Variants in NSMAF observed in about 807,000 individuals in gnomAD.
NSMAF encodes the protein protein FAN.
NSMAF carries 90 observed loss-of-function variants against 134.9 expected under a neutral mutation model. The ratio of observed to expected loss-of-function variants is 0.67; its 90% CI spans 0.56 to 0.79. NSMAF has a LOEUF of 0.79. Ranked by LOEUF, NSMAF falls within the 30% of genes least tolerant of loss-of-function variation. The pLI is 0.00. For missense variants in NSMAF, 1,010 were observed against 1,119.0 expected, an observed-to-expected ratio of 0.90 and a Z score of 1.39; for synonymous variants, 358 against 389.6, an observed-to-expected ratio of 0.92 and a Z score of 0.96.
At chr8:58,634,727 G>A (rs1324679242) in intron 5 of NSMAF, among the ~76,000 whole-genome samples, 1 of 152,148 alleles carries the variant, frequency 6.6e-6, no homozygotes, top group Non-Finnish European at 1.5e-5. Context: ...TATATTGAGT[G>A]CAGTGGTGGG....
Position 58,609,736 on chromosome 8 carries a change from GA to G in NSMAF, c.558-4del. 2 of 1,613,726 alleles carry G rather than the reference GA, an allele frequency of 1.2e-6. No individual in the cohort carries two copies. Among genetic ancestry groups the G allele is most frequent in the East Asian group, 4.5e-5 (2 of 44,874 alleles). ...GCTTTTCAGAAATGTTTTGGAACCTGAAAATAGGTTTTTCAGCAAAAGTAAG... is the reference window on the plus strand; with the variant it reads ...GCTTTTCAGAAATGTTTTGGAACCTGAAATAGGTTTTTCAGCAAAAGTAAG... On this transcript the variant is annotated splice_region_variant and splice_polypyrimidine_tract_variant and intron_variant, in intron 9 of 30. Coordinates refer to ENST00000038176, the MANE Select transcript of NSMAF (RefSeq NM_003580.4).
intron 1 of NSMAF, 182 bp downstream of exon 1, chr8:58,659,391 G>C: frequency 6.6e-7 from 1 of 1,518,380 alleles, no homozygotes; most frequent in Non-Finnish European, 8.8e-7. Context: ...CAGGCCCCCG[G>C]CCTCTCACCC....
intron 21 of NSMAF, among the ~76,000 whole-genome samples, chr8:58,596,930 C>CAAA (rs538263469): frequency 1.9e-4 from 12 of 64,366 alleles, no homozygotes; most frequent in African/African-American, 5.3e-4. Context: ...GACTCCGTCT[C>CAAA]AAAAAAAAAA....
At chr8:58,586,151 A>G (rs2129138574) in intron 28 of NSMAF, 151 bp from the exon 29 acceptor site, 11 of 728,984 alleles carry the variant, frequency 1.5e-5, no homozygotes, top group South Asian at 1.4e-4. Context: ...CTCTCCTTGA[A>G]ATGGTTCTAG....
At chr8:58,656,180 G>A (rs1807706217) in intron 1 of NSMAF, among the ~76,000 whole-genome samples, 1 of 151,644 alleles carries the variant, frequency 6.6e-6, no homozygotes, top group Non-Finnish European at 1.5e-5. Context: ...CACCATGCCT[G>A]GTTAATTTTT....
chr8:58,606,134 T>G, intron 11 of NSMAF, 99 bp from the exon 12 acceptor site: 1 of 1,062,492 alleles, frequency 9.4e-7, no homozygotes, highest in Non-Finnish European at 1.3e-6. Flanking sequence ...GTTAAACATT[T>G]GTGTTTATTT....
rs558932808 is a variant in NSMAF at position 58,659,821 on chromosome 8, A to G, written c.-190T>C. On this transcript the variant is annotated 5_prime_UTR_variant, in exon 1 of 31. Coordinates refer to ENST00000038176, the MANE Select transcript of NSMAF (RefSeq NM_003580.4). ...GCGGCGTCCCGGCCGCGCTCACCGC[A>G]GCATCCTCGCGTGGGGACTCCGGCG... The G allele has an allele frequency of 8.3e-4, 251 of 301,804 alleles. No homozygotes were observed. In the East Asian group the frequency reaches 0.012, roughly 15 times the overall value. The allele number at this position is 301,804 out of a possible 1,614,324, so 18.7% of individuals were successfully genotyped here. A position where few individuals can be genotyped will look rare whatever the true frequency, so the allele number is the denominator to read the frequency against.
chr8:58,634,968 G>A (rs1332949611), intron 5 of NSMAF, among the ~76,000 whole-genome samples: 1 of 152,150 alleles, frequency 6.6e-6, no homozygotes, highest in Non-Finnish European at 1.5e-5. Flanking sequence ...AGAGCTCCAA[G>A]GACAAAACCG....
intron 6 of NSMAF, among the ~76,000 whole-genome samples, chr8:58,625,085 T>G (rs559564494): frequency 6.6e-6 from 1 of 152,166 alleles, no homozygotes; most frequent in African/African-American, 2.4e-5. Flanking sequence ...GTAAAACAGA[T>G]TGCCCTCCCC....
intron 1 of NSMAF, among the ~76,000 whole-genome samples, chr8:58,651,488 T>C (rs978584315): frequency 3.3e-5 from 5 of 152,246 alleles, no homozygotes; most frequent in African/African-American, 1.2e-4. Context: ...CCAGCCAAGA[T>C]GGTTCAGATA....
chr8:58,648,908 A>G (rs79496598), intron 1 of NSMAF, among the ~76,000 whole-genome samples: 4,103 of 152,352 alleles, frequency 0.027, 204 homozygotes, highest in African/African-American at 0.093. Context: ...CGACAGTAGT[A>G]TGAAGGGGAA....
intron 5 of NSMAF, 92 bp downstream of exon 5, chr8:58,635,097 T>G: frequency 2.1e-6 from 2 of 949,108 alleles, no homozygotes; most frequent in Non-Finnish European, 3.3e-6. Context: ...TATTCCATGG[T>G]CTTCATCTGA....
chr8:58,603,870 T>C (rs1375734522), intron 12 of NSMAF, among the ~76,000 whole-genome samples: 2 of 152,158 alleles, frequency 1.3e-5, no homozygotes, highest in African/African-American at 4.8e-5. Flanking sequence ...ATATTATTTA[T>C]GCATGTGAAG....
chr8:58,593,841 C>T (rs1025474773), intron 23 of NSMAF, among the ~76,000 whole-genome samples: 6 of 152,164 alleles, frequency 3.9e-5, no homozygotes, highest in African/African-American at 1.4e-4. Context: ...AACTGCAAAC[C>T]GTAACAGCAA....
At chr8:58,612,329 T>C (rs1806548107) in intron 9 of NSMAF, among the ~76,000 whole-genome samples, 1 of 152,088 alleles carries the variant, frequency 6.6e-6, no homozygotes, top group Admixed American at 6.6e-5. Context: ...CTGGGAGAGC[T>C]TCTGGGTTGC....
chr8:58,648,113 G>A (rs1807503119), intron 1 of NSMAF, among the ~76,000 whole-genome samples: 1 of 152,226 alleles, frequency 6.6e-6, no homozygotes, highest in Non-Finnish European at 1.5e-5. Flanking sequence ...AATGGGAACT[G>A]AAACAAAGGT....
In NSMAF at chr8:58,643,047, TC is replaced by T. The variant is rs1421962920; in HGVS notation, c.85del (p.Glu29ArgfsTer28). On this transcript the variant is annotated frameshift_variant, in exon 2 of 31. Coordinates refer to ENST00000038176, the MANE Select transcript of NSMAF (RefSeq NM_003580.4). LOFTEE classifies it high-confidence loss of function. ...TCTATGCTGTTCAAAGTAGTACTCC[TC>T]CAAGTTAAGCAGCAGCAAGGAAAAT... ...ERFSLLLLNL[E>X]EYYFEQHRAN... 1 of 1,614,028 alleles carries T rather than the reference TC, an allele frequency of 6.2e-7. No individual in the cohort carries two copies. Among genetic ancestry groups the T allele is most frequent in the East Asian group, 2.2e-5 (1 of 44,870 alleles).
chr8:58,653,055 C>T (rs986505638), intron 1 of NSMAF, among the ~76,000 whole-genome samples: 1 of 152,024 alleles, frequency 6.6e-6, no homozygotes, highest in Non-Finnish European at 1.5e-5. Context: ...TAAAAAATAC[C>T]GGACAATAAC....
intron 23 of NSMAF, 62 bp from the exon 24 acceptor site, chr8:58,590,996 G>A: frequency 1.3e-6 from 2 of 1,501,754 alleles, no homozygotes; most frequent in Non-Finnish European, 1.8e-6. Context: ...AGACGTCAAA[G>A]AACAGCTGCT....
Sources: gnomAD v4.1 joint callset for allele counts (sites outside exome capture counted in the v4.1 genomes callset) on GRCh38, gnomAD v4.1.1 for gene constraint, MANE v1.5 for transcripts, NCBI Gene and HGNC (gene_info 2026-07-23, HGNC 2026-07-21) for gene names.